Variants in FGF14 observed in about 807,000 individuals in gnomAD.
FGF14 encodes the protein fibroblast growth factor 14, also known as fibroblast growth factor homologous factor 4.
FGF14 carries 5 observed loss-of-function variants against 25.5 expected under a neutral mutation model. That is an observed-to-expected ratio of 0.20 (90% CI 0.10 to 0.41). The LOEUF (loss-of-function observed/expected upper bound fraction) is 0.41. FGF14 is among the 10% of genes least tolerant of loss of function. The probability of loss-of-function intolerance (pLI) is 1.00; values close to 1 mark genes in which losing one functional copy is unlikely to be tolerated. For missense variants in FGF14, 222 were observed against 320.1 expected (o/e 0.69, Z 2.34); for synonymous variants, 138 against 118.3 (o/e 1.17, Z -1.08).
chr13:102,229,261 C>A (rs2050968359), intron 1 of FGF14, among the ~76,000 whole-genome samples: 1 of 152,136 alleles, frequency 6.6e-6, no homozygotes, highest in Admixed American at 6.5e-5. Flanking sequence ...TTAAATCATG[C>A]AACCAACAAG....
intron 3 of FGF14, among the ~76,000 whole-genome samples, chr13:101,845,643 G>A (rs1489445071): frequency 6.6e-6 from 1 of 151,994 alleles, no homozygotes; most frequent in Non-Finnish European, 1.5e-5. Flanking sequence ...AGGGTAGTCA[G>A]GAGATAATCT....
At chr13:102,184,439 T>G (rs1479427648) in intron 1 of FGF14, among the ~76,000 whole-genome samples, 1 of 152,128 alleles carries the variant, frequency 6.6e-6, no homozygotes, top group Non-Finnish European at 1.5e-5. Context: ...CTATCTAGAC[T>G]CACATGTATA....
In FGF14 at chr13:101,821,998, T is replaced by C. The variant is rs553804971; in HGVS notation, c.408+46727A>G. Among the ~76,000 whole-genome samples, 30 of 152,358 alleles carry C rather than the reference T, an allele frequency of 2.0e-4. No homozygotes were observed. The South Asian group carries it at 5.6e-3, about 28-fold the overall frequency. On this transcript the variant is annotated intron_variant, in intron 3 of 4. Coordinates refer to ENST00000376143, the MANE Select transcript of FGF14 (RefSeq NM_004115.4). ...AATGCTGTCTTGTAAGGAACAGTTC[T>C]GAATTTTAAGAAAGTTCAGTTGATC...
intron 1 of FGF14, among the ~76,000 whole-genome samples, chr13:102,348,445 T>C (rs2057177418): frequency 6.6e-6 from 1 of 152,224 alleles, no homozygotes; most frequent in Non-Finnish European, 1.5e-5. Flanking sequence ...CCATCCATAG[T>C]GCAGAATGTG....
chr13:102,401,536 C>T (rs944187887), exon 1 of FGF14: 21 of 1,614,156 alleles, frequency 1.3e-5, no homozygotes, highest in Non-Finnish European at 1.6e-5. Context: ...CGTTCCTTTG[C>T]TGAAAATGTT....
chr13:101,734,836 GATAAAT>G (rs1453154994), intron 3 of FGF14, among the ~76,000 whole-genome samples: 1 of 152,092 alleles, frequency 6.6e-6, no homozygotes, highest in African/African-American at 2.4e-5. Context: ...CTTTCATCAA[GATAAAT>G]ATAATTATTT....
chr13:101,897,565 G>A (rs1190766044), intron 1 of FGF14, among the ~76,000 whole-genome samples: 2 of 152,110 alleles, frequency 1.3e-5, no homozygotes, highest in Non-Finnish European at 2.9e-5. Flanking sequence ...CCTCTCTTGT[G>A]AACTTTAAGA....
intron 1 of FGF14, among the ~76,000 whole-genome samples, chr13:102,043,009 G>A (rs604879): frequency 0.55 from 83,637 of 152,066 alleles, 25,971 homozygotes; most frequent in African/African-American, 0.84. Flanking sequence ...TTTACCAGAC[G>A]GACGAATGGA....
chr13:102,094,386 G>C (rs1485361693), intron 1 of FGF14, among the ~76,000 whole-genome samples: 1 of 152,184 alleles, frequency 6.6e-6, no homozygotes, highest in Non-Finnish European at 1.5e-5. Flanking sequence ...AAGAGAAGCT[G>C]TATCTGCCAA....
At chr13:102,011,341 T>C (rs774931640) in intron 1 of FGF14, among the ~76,000 whole-genome samples, 6 of 152,236 alleles carry the variant, frequency 3.9e-5, no homozygotes, top group Non-Finnish European at 8.8e-5. Context: ...TCTTACTTGA[T>C]TATACCTGGG....
rs1276797465 is a variant in FGF14 at position 101,720,909 on chromosome 13, A to G, written c.*1922T>C. 1.3e-5 allele frequency: 2 copies of G among 152,296 alleles called. No individual in the cohort carries two copies. Among genetic ancestry groups the G allele is most frequent in the Non-Finnish European group, 2.9e-5 (2 of 68,026 alleles). The allele number at this position is 152,296 out of a possible 1,614,324, so 9.4% of individuals were successfully genotyped here. On this transcript the variant is annotated 3_prime_UTR_variant, in exon 5 of 5. Coordinates refer to ENST00000376143, the MANE Select transcript of FGF14 (RefSeq NM_004115.4). Reference sequence around the variant, plus strand: ...AATCCAATATGAAAATGAAATAAGCATAAACAAACAGTTAAATTTCTACTA... The same window carrying G: ...AATCCAATATGAAAATGAAATAAGCGTAAACAAACAGTTAAATTTCTACTA...
In FGF14 at chr13:102,349,158, A is replaced by C. The variant is rs972651582; in HGVS notation, c.208+52313T>G. Among the ~76,000 whole-genome samples the C allele has an allele frequency of 1.3e-5, 2 of 152,298 alleles. 1 individual carries two copies. On this transcript the variant is annotated intron_variant, in intron 1 of 4. Transcript: ENST00000376131. ...CTCCCCACAACAAAGAATTCTCCAG[A>C]CCAAAATGTCACTAGTGCTGCTGTT...
chr13:102,028,373 C>G (rs1044226254), intron 1 of FGF14, among the ~76,000 whole-genome samples: 2 of 152,040 alleles, frequency 1.3e-5, no homozygotes, highest in African/African-American at 4.8e-5. Context: ...CTCCTTCCAC[C>G]AGTGGAAGTG....
chr13:102,319,606 C>T (rs371786538), intron 1 of FGF14, among the ~76,000 whole-genome samples: 4 of 152,224 alleles, frequency 2.6e-5, no homozygotes, highest in African/African-American at 9.6e-5. Flanking sequence ...GAACCAGCTG[C>T]GATGCCTTAC....
At chr13:102,124,359 C>T (rs1014018416) in intron 1 of FGF14, among the ~76,000 whole-genome samples, 1 of 150,668 alleles carries the variant, frequency 6.6e-6, no homozygotes, top group African/African-American at 2.4e-5. Context: ...GTAATTTTGA[C>T]CACCAAAATA....
At chr13:101,779,978 T>C (rs993157556) in intron 3 of FGF14, among the ~76,000 whole-genome samples, 8 of 152,258 alleles carry the variant, frequency 5.3e-5, no homozygotes, top group Admixed American at 2.0e-4. Flanking sequence ...TTCTCTGTGG[T>C]TCTATGGTAA....
chr13:101,864,017 G>C (rs1395941852), intron 3 of FGF14, among the ~76,000 whole-genome samples: 1 of 152,096 alleles, frequency 6.6e-6, no homozygotes, highest in Non-Finnish European at 1.5e-5. Context: ...TGAAAGATAT[G>C]ATATCAGAAC....
intron 1 of FGF14, among the ~76,000 whole-genome samples, chr13:102,052,729 A>T (rs904305792): frequency 1.3e-5 from 2 of 152,120 alleles, no homozygotes; most frequent in African/African-American, 2.4e-5. Context: ...TCAGACAAAC[A>T]AAAGTTGAGG....
chr13:102,355,161 G>C (rs1430357632), intron 1 of FGF14, among the ~76,000 whole-genome samples: 1 of 152,182 alleles, frequency 6.6e-6, no homozygotes, highest in Non-Finnish European at 1.5e-5. Flanking sequence ...GATGGAAGTA[G>C]CAAAATGCAG....
Sources: allele counts gnomAD v4.1 joint callset (sites outside exome capture counted in the v4.1 genomes callset), GRCh38; gene constraint gnomAD v4.1.1; transcripts MANE v1.5; gene names NCBI Gene and HGNC (gene_info 2026-07-23, HGNC 2026-07-21).